WDR59: variants seen among roughly 807,000 people sequenced by gnomAD.
WDR59 encodes the protein GATOR2 complex protein WDR59.
Under a neutral mutation model 131.2 loss-of-function variants are expected in WDR59, and 100 were observed. That is an observed-to-expected ratio of 0.76 (90% confidence interval 0.65 to 0.90). The LOEUF (loss-of-function observed/expected upper bound fraction) is 0.90, where lower values mean the gene tolerates loss of function less well. Ranked by LOEUF, WDR59 falls within the 40% of genes least tolerant of loss-of-function variation. The pLI, the probability that WDR59 is intolerant of heterozygous loss-of-function variation, is 0.00. For synonymous variants in WDR59, 601 were observed against 466.2 expected, an observed-to-expected ratio of 1.29 and a Z score of -3.72; for missense variants, 1,203 against 1,262.2, an observed-to-expected ratio of 0.95 and a Z score of 0.71.
chr16:74,882,315 A>G (rs1964525207), intron 25 of WDR59, among the ~76,000 whole-genome samples: 1 of 152,208 alleles, frequency 6.6e-6, no homozygotes, highest in Non-Finnish European at 1.5e-5. Flanking sequence ...CTCTGAAAAA[A>G]TATGTTGCCC....
intron 9 of WDR59, among the ~76,000 whole-genome samples, chr16:74,923,149 A>G (rs2030419380): frequency 6.6e-6 from 1 of 152,224 alleles, no homozygotes; most frequent in African/African-American, 2.4e-5. Flanking sequence ...TTTTATCACA[A>G]TTTTAAAAAA....
At chr16:74,924,031 T>C (rs746938264) in intron 8 of WDR59, 28 bp from the exon 9 acceptor site, 1 of 1,605,592 alleles carries the variant, frequency 6.2e-7, no homozygotes, top group Non-Finnish European at 8.5e-7. Flanking sequence ...AGATCATTTG[T>C]GAAATAAATG....
At chr16:74,923,060 T>C (rs2145007618) in intron 9 of WDR59, among the ~76,000 whole-genome samples, 1 of 152,342 alleles carries the variant, frequency 6.6e-6, no homozygotes, top group Admixed American at 6.5e-5. Context: ...TAGCATTTAA[T>C]GGTTTAGAAA....
intron 13 of WDR59, 178 bp downstream of exon 13, chr16:74,915,691 TG>T (rs1966334885): frequency 1.3e-6 from 1 of 779,686 alleles, no homozygotes; most frequent in Non-Finnish European, 2.0e-6. Context: ...CCCAAAGTGC[TG>T]GGATTACAGG....
At chr16:74,978,120 C>T (rs997734192) in intron 1 of WDR59, among the ~76,000 whole-genome samples, 3 of 151,966 alleles carry the variant, frequency 2.0e-5, no homozygotes, top group Admixed American at 1.3e-4. Flanking sequence ...CTTTGGGAGG[C>T]CAAGGTGGGT....
chr16:74,927,683 A>ACACACACACAC (rs568799728), intron 8 of WDR59, among the ~76,000 whole-genome samples: 13 of 118,248 alleles, frequency 1.1e-4, no homozygotes, highest in South Asian at 2.5e-4. Context: ...CTCTTTAAAA[A>ACACACACACAC]ACACACACAC....
chr16:74,880,422 G>A (rs1210571480), intron 25 of WDR59, among the ~76,000 whole-genome samples: 1 of 152,088 alleles, frequency 6.6e-6, no homozygotes, highest in African/African-American at 2.4e-5. Context: ...ACTCCAGCCT[G>A]GGGGACAGAG....
intron 7 of WDR59, among the ~76,000 whole-genome samples, chr16:74,940,223 A>G (rs2032107012): frequency 6.6e-6 from 1 of 151,930 alleles, no homozygotes; most frequent in South Asian, 2.1e-4. Context: ...TACTAAAAAT[A>G]AAAAAATTAG....
intron 3 of WDR59, among the ~76,000 whole-genome samples, chr16:74,955,037 T>C (rs1308051983): frequency 1.3e-5 from 2 of 152,184 alleles, no homozygotes; most frequent in African/African-American, 4.8e-5. Flanking sequence ...GGGAATTGGA[T>C]AGAGGTGGTG....
Position 74,938,624 on chromosome 16 carries a change from C to T in WDR59, c.535-358G>A, listed in dbSNP as rs183538458. On this transcript the variant is annotated intron_variant, in intron 7 of 25. Coordinates refer to ENST00000262144, the MANE Select transcript of WDR59 (RefSeq NM_030581.4). ...CGATCACAGCTCACTGCAGCCTCAA[C>T]TTCCTGGGCTCAAGCAGTCCTCCCA... Among the ~76,000 whole-genome samples, 907 of 152,286 alleles carry T rather than the reference C, an allele frequency of 6.0e-3. 10 individuals are homozygous for T. The highest frequency in any genetic ancestry group is 0.02 in the Middle Eastern group (6 of 294).
intron 5 of WDR59, 37 bp from the exon 6 acceptor site, chr16:74,948,593 A>T (rs762672421): frequency 1.3e-6 from 2 of 1,527,374 alleles, no homozygotes; most frequent in Non-Finnish European, 1.8e-6. Flanking sequence ...TCCCCAATTT[A>T]TATGCCACCA....
rs1964011059 is a variant in WDR59, at chr16:74,871,418, A to G, written c.*2791T>C. The G allele has an allele frequency of 6.6e-6, 1 of 152,246 alleles. No individual in the cohort carries two copies. The highest frequency in any genetic ancestry group is 2.4e-5 in the African/African-American group (1 of 41,466). 9.4% of individuals were successfully genotyped at this position (152,246 alleles called of 1,614,324 possible). The stretch of plus-strand genomic sequence containing the variant: ...GAGAGAATATCGGCCATGGCCCGCA[A>G]CCAGACAACCAACCTGTTTCCAAAC... On this transcript the variant is annotated 3_prime_UTR_variant, in exon 26 of 26. Coordinates refer to ENST00000262144, the MANE Select transcript of WDR59 (RefSeq NM_030581.4).
At chr16:74,912,096 T>C (rs1383089348) in intron 14 of WDR59, 102 bp downstream of exon 14, 11 of 1,510,298 alleles carry the variant, frequency 7.3e-6, no homozygotes, top group Admixed American at 1.7e-5. Flanking sequence ...ACGAAACAGA[T>C]GACTTCCGAA....
rs1567450960 is a variant in WDR59 at position 74,981,653 on chromosome 16, TATATA to T, written c.54+3306_54+3310del. ...ATATATATATATATATATATATATA[TATATA>T]TATTTTTTTTTTTTTTAGATGGAGT... On this transcript the variant is annotated intron_variant, in intron 1 of 25. Transcript: ENST00000262144. 4.4e-3 allele frequency among the ~76,000 whole-genome samples: 28 copies of T among 6,312 alleles called. 3 individuals carry two copies. Among genetic ancestry groups the T allele is most frequent in the African/African-American group, 6.9e-3 (25 of 3,640 alleles). The allele number at this position is 6,312 out of a possible 152,430, so 4.1% of individuals were successfully genotyped here. A position where few individuals can be genotyped will look rare whatever the true frequency, so the allele number is the denominator to read the frequency against.
chr16:74,951,093 G>T lies in WDR59; in HGVS notation c.326+365C>A, dbSNP rs2032967385. ...GACAATCACTTGAACCCAGGAAGCG[G>T]TGGTTGCAGTGAGCCAAGATCGCAC... On this transcript the variant is annotated intron_variant, in intron 4 of 25. Transcript: ENST00000262144. Among the ~76,000 whole-genome samples the T allele has an allele frequency of 2.7e-5, 4 of 150,424 alleles. No homozygotes were observed. The Admixed American group carries it at 2.7e-4, about 10-fold the overall frequency.
intron 1 of WDR59, among the ~76,000 whole-genome samples, chr16:74,976,616 T>A (rs1267122960): frequency 1.3e-5 from 2 of 151,590 alleles, no homozygotes. Context: ...TAATTTTCTG[T>A]ATTTTTAGTA....
chr16:74,916,358 G>A, intron 11 of WDR59, 99 bp from the exon 12 acceptor site: 2 of 1,482,624 alleles, frequency 1.3e-6, no homozygotes, highest in South Asian at 2.3e-5. Context: ...AAGGGCAAAG[G>A]ATGGGGATGT....
At chr16:74,932,766 G>C (rs1371901591) in intron 8 of WDR59, among the ~76,000 whole-genome samples, 1 of 152,306 alleles carries the variant, frequency 6.6e-6, no homozygotes, top group Non-Finnish European at 1.5e-5. Context: ...TGGGATTACA[G>C]GGGTGAGCCA....
intron 1 of WDR59, among the ~76,000 whole-genome samples, chr16:74,975,035 C>T (rs1399635761): frequency 6.6e-6 from 1 of 152,152 alleles, no homozygotes; most frequent in Non-Finnish European, 1.5e-5. Flanking sequence ...GAACCCCCAA[C>T]ACAAGTAGGC....
Sources: gnomAD v4.1 joint callset for allele counts (sites outside exome capture counted in the v4.1 genomes callset) on GRCh38, gnomAD v4.1.1 for gene constraint, MANE v1.5 for transcripts, NCBI Gene and HGNC (gene_info 2026-07-23, HGNC 2026-07-21) for gene names.